Variants in CAMK1G observed in about 807,000 individuals in gnomAD.
CAMK1G encodes calcium/calmodulin-dependent protein kinase type 1G.
Under a neutral mutation model 54.8 loss-of-function variants are expected in CAMK1G, and 27 were observed. The observed-to-expected ratio is 0.49, with a 90% CI of 0.36 to 0.68. The LOEUF (loss-of-function observed/expected upper bound fraction) is 0.68. Ranked by LOEUF, CAMK1G falls within the 30% of genes least tolerant of loss-of-function variation. The pLI, the probability that CAMK1G is intolerant of heterozygous loss-of-function variation, is 0.00. For missense variants in CAMK1G, 512 were observed against 591.0 expected, an observed-to-expected ratio of 0.87 and a Z score of 1.39; for synonymous variants, 238 against 224.9, an observed-to-expected ratio of 1.06 and a Z score of -0.52.
intron 1 of CAMK1G, among the ~76,000 whole-genome samples, chr1:209,591,090 T>G (rs1415732321): frequency 6.6e-6 from 1 of 151,912 alleles, no homozygotes; most frequent in Non-Finnish European, 1.5e-5. Context: ...ATCCCCCGAC[T>G]CTTATATTCT....
chr1:209,593,345 C>T (rs954553050), intron 1 of CAMK1G, among the ~76,000 whole-genome samples: 2 of 152,174 alleles, frequency 1.3e-5, no homozygotes, highest in Non-Finnish European at 2.9e-5. Context: ...CCAAGAGGGG[C>T]AGCTATTAGG....
intron 1 of CAMK1G, among the ~76,000 whole-genome samples, chr1:209,588,353 A>ATTGG: frequency 6.9e-6 from 1 of 144,654 alleles, no homozygotes; most frequent in Admixed American, 7.0e-5. Flanking sequence ...AGTGGAGCGG[A>ATTGG]ATGGATTGGA....
chr1:209,606,579 G>C, intron 6 of CAMK1G, 136 bp downstream of exon 6: 1 of 977,890 alleles, frequency 1.0e-6, no homozygotes, highest in East Asian at 2.6e-5. Context: ...CACTTATAAA[G>C]TTTAGGGCCA....
Position 209,594,991 on chromosome 1 carries a change from G to T in CAMK1G, c.8G>T (p.Arg3Leu), listed in dbSNP as rs749190689. Reference protein sequence around the residue: MGRKEEDDCSSWK... With the variant: MGLKEEDDCSSWK... Reference sequence around the variant, plus strand: ...GCTTCAACTCTGGAGGCAATGGGTCGAAAGGAAGAAGATGACTGCAGTTCC... The same window carrying T: ...GCTTCAACTCTGGAGGCAATGGGTCTAAAGGAAGAAGATGACTGCAGTTCC... Residue 3 changes from arginine to leucine, a missense_variant, in exon 2 of 13, where the codon CGA becomes CTA. Arg to Leu is a moderately radical substitution (Grantham distance 102). Transcript: ENST00000361322. 1 of 1,613,748 alleles carries T rather than the reference G, an allele frequency of 6.2e-7. No individual in the cohort carries two copies. The highest frequency in any genetic ancestry group is 8.5e-7 in the Non-Finnish European group (1 of 1,179,824).
At chr1:209,597,174 G>C (rs1052591967) in intron 2 of CAMK1G, among the ~76,000 whole-genome samples, 33 of 152,272 alleles carry the variant, frequency 2.2e-4, no homozygotes, top group African/African-American at 7.2e-4. Context: ...TTATGAAAAA[G>C]GTGCTCTTTT....
At chr1:209,587,686 G>T (rs558646194) in intron 1 of CAMK1G, among the ~76,000 whole-genome samples, 2 of 152,174 alleles carry the variant, frequency 1.3e-5, no homozygotes, top group South Asian at 4.1e-4. Flanking sequence ...TCTGCCTGGG[G>T]CTGCACAGCT....
chr1:209,589,014 A>G lies in CAMK1G; in HGVS notation c.-30+5242A>G, dbSNP rs181584431. 2.0e-5 allele frequency among the ~76,000 whole-genome samples: 3 copies of G among 152,276 alleles called. No homozygotes were observed. The East Asian group carries it at 5.8e-4, about 29-fold the overall frequency. ...AAGAGGCCAGGAAGTTCATCCAAAAAATACAATTGAGCCGAAGCTAGGAGG... is the reference window on the plus strand; with the variant it reads ...AAGAGGCCAGGAAGTTCATCCAAAAGATACAATTGAGCCGAAGCTAGGAGG... On this transcript the variant is annotated intron_variant, in intron 1 of 12. Coordinates refer to ENST00000361322, the MANE Select transcript of CAMK1G (RefSeq NM_020439.3).
intron 1 of CAMK1G, among the ~76,000 whole-genome samples, chr1:209,589,617 G>A (rs1665194649): frequency 6.6e-6 from 1 of 152,138 alleles, no homozygotes; most frequent in Admixed American, 6.5e-5. Context: ...TAGCAACCAT[G>A]GGCTGGACCT....
At chr1:209,608,245 C>T (rs1665700023) in intron 7 of CAMK1G, among the ~76,000 whole-genome samples, 1 of 152,194 alleles carries the variant, frequency 6.6e-6, no homozygotes. Context: ...GTGTTGCATC[C>T]CACTCAGTGG....
intron 5 of CAMK1G, 111 bp downstream of exon 5, chr1:209,605,785 CA>C: frequency 1.9e-6 from 2 of 1,068,764 alleles, no homozygotes; most frequent in Non-Finnish European, 2.6e-6. Flanking sequence ...TAGTGACTCC[CA>C]AGGCCCCTTC....
chr1:209,605,085 A>G (rs1665614969), intron 4 of CAMK1G, among the ~76,000 whole-genome samples: 1 of 152,196 alleles, frequency 6.6e-6, no homozygotes, highest in South Asian at 2.1e-4. Context: ...CAATTTCCCA[A>G]AATGAGAAGA....
intron 9 of CAMK1G, 24 bp downstream of exon 9, chr1:209,609,953 C>T: frequency 1.3e-6 from 2 of 1,588,414 alleles, no homozygotes; most frequent in Non-Finnish European, 1.7e-6. Flanking sequence ...GGAGTGGACT[C>T]TAGACCCCAG....
At chr1:209,594,498 A>C (rs950941496) in intron 1 of CAMK1G, among the ~76,000 whole-genome samples, 1 of 152,248 alleles carries the variant, frequency 6.6e-6, no homozygotes, top group African/African-American at 2.4e-5. Context: ...CACAATACTC[A>C]TTCATTTAAC....
chr1:209,598,589 C>G (rs1364071558), intron 2 of CAMK1G, among the ~76,000 whole-genome samples: 1 of 152,132 alleles, frequency 6.6e-6, no homozygotes, highest in African/African-American at 2.4e-5. Flanking sequence ...CTGCCTAGCC[C>G]CTGAATCTGT....
chr1:209,607,476 A>C (rs1234248322), intron 6 of CAMK1G, among the ~76,000 whole-genome samples: 2 of 152,144 alleles, frequency 1.3e-5, no homozygotes, highest in Non-Finnish European at 2.9e-5. Context: ...CCTACACTGA[A>C]GATCTCCCAG....
At chr1:209,603,907 G>C (rs1181780213) in intron 4 of CAMK1G, among the ~76,000 whole-genome samples, 1 of 152,162 alleles carries the variant, frequency 6.6e-6, no homozygotes, top group East Asian at 1.9e-4. Context: ...TCATTAGCAA[G>C]GTCTCTGCGT....
At chr1:209,611,199 A>G (rs548689910) in intron 9 of CAMK1G, among the ~76,000 whole-genome samples, 6 of 152,232 alleles carry the variant, frequency 3.9e-5, no homozygotes, top group Non-Finnish European at 4.4e-5. Context: ...AACCTTATTT[A>G]CAAAAACAGG....
chr1:209,611,402 C>T, intron 9 of CAMK1G, 63 bp from the exon 10 acceptor site: 2 of 1,482,214 alleles, frequency 1.3e-6, no homozygotes, highest in Non-Finnish European at 1.9e-6. Context: ...AGGCACCCTG[C>T]CCACTCCCTG....
At chr1:209,611,410 C>T in intron 9 of CAMK1G, 55 bp from the exon 10 acceptor site, 1 of 1,545,514 alleles carries the variant, frequency 6.5e-7, no homozygotes, top group Non-Finnish European at 8.9e-7. Flanking sequence ...TGCCCACTCC[C>T]TGGATGAGTG....
Sources: gnomAD v4.1 joint callset for allele counts (sites outside exome capture counted in the v4.1 genomes callset) on GRCh38, gnomAD v4.1.1 for gene constraint, MANE v1.5 for transcripts, NCBI Gene and HGNC (gene_info 2026-07-23, HGNC 2026-07-21) for gene names.